Variants in ZNF532 observed in about 807,000 individuals in gnomAD.
ZNF532 encodes zinc finger protein 532.
Under a neutral mutation model 89.3 loss-of-function variants are expected in ZNF532, and 22 were observed. That is an observed-to-expected ratio of 0.25 (90% confidence interval 0.18 to 0.35). ZNF532 has a LOEUF of 0.35. Among genes scored for constraint, ZNF532 ranks in the 10% least tolerant of loss-of-function variants. The pLI is 1.00. For missense variants in ZNF532, 1,132 were observed against 1,643.4 expected (o/e 0.69, Z 5.38); for synonymous variants, 606 against 649.6 (o/e 0.93, Z 1.02).
At chr18:58,936,726 T>A (rs1208977005) in intron 4 of ZNF532, among the ~76,000 whole-genome samples, 1 of 152,266 alleles carries the variant, frequency 6.6e-6, no homozygotes, top group African/African-American at 2.4e-5. Context: ...TAGTTCATGT[T>A]GACTGCTCCT....
intron 3 of ZNF532, among the ~76,000 whole-genome samples, chr18:58,933,511 A>G (rs1037430817): frequency 6.6e-6 from 1 of 152,240 alleles, no homozygotes; most frequent in Non-Finnish European, 1.5e-5. Flanking sequence ...TGTACATTTT[A>G]GAAGATGGTA....
At chr18:58,870,074 T>G (rs1359435072) in intron 2 of ZNF532, among the ~76,000 whole-genome samples, 4 of 42,070 alleles carry the variant, frequency 9.5e-5, no homozygotes, top group Non-Finnish European at 1.6e-4. Flanking sequence ...CCCAGGTTGT[T>G]TTTTTTTTTT....
At position 58,878,140 on chromosome 18, in the gene ZNF532, A is replaced by G. The variant is rs563920426; in HGVS notation, c.-18+12561A>G. On this transcript the variant is annotated intron_variant, in intron 2 of 9. Transcript: ENST00000591808. ...TGTGGTGGCATGCACCTGTATTCCC[A>G]GCTACTCGGGAGGCTGAGTCAGGAG... is the stretch of plus-strand genomic sequence containing the variant. Among the ~76,000 whole-genome samples, 3 of 152,280 alleles carry G rather than the reference A, an allele frequency of 2.0e-5. No individual in the cohort carries two copies. In the South Asian group the frequency reaches 6.2e-4, roughly 32 times the overall value.
intron 2 of ZNF532, among the ~76,000 whole-genome samples, chr18:58,893,086 A>G (rs926043108): frequency 6.7e-6 from 1 of 149,800 alleles, no homozygotes; most frequent in Non-Finnish European, 1.5e-5. Context: ...GGACCAAGCG[A>G]TTCTGCCTCA....
chr18:58,981,701 T>G (rs1417266982), intron 9 of ZNF532, 84 bp downstream of exon 9: 1 of 1,552,264 alleles, frequency 6.4e-7, no homozygotes, highest in Non-Finnish European at 8.8e-7. Flanking sequence ...AAGTTTTTGT[T>G]GCATAGTTAC....
rs150053630 is a variant in ZNF532, at chr18:58,947,999, A to G, written c.2706-68A>G. ...CCTCTGCCTCCCAAGTTCTTCAGCT[A>G]TAAAGTAGCAGATCCTTTGACTTAA... On this transcript the variant is annotated intron_variant, in intron 5 of 9. Transcript: ENST00000591808. 12 of 1,481,878 alleles carry G rather than the reference A, an allele frequency of 8.1e-6. No homozygotes were observed. In the East Asian group the frequency reaches 2.1e-4, roughly 26 times the overall value. 91.8% of individuals were successfully genotyped at this position (1,481,878 alleles called of 1,614,324 possible). A position where few individuals can be genotyped will look rare whatever the true frequency, so the allele number is the denominator to read the frequency against.
At position 58,965,886 on chromosome 18, in the gene ZNF532, A is replaced by G. The variant is rs185719174; in HGVS notation, c.3150+12087A>G. Among the ~76,000 whole-genome samples, 9 of 152,302 alleles carry G rather than the reference A, an allele frequency of 5.9e-5. No individual in the cohort carries two copies. In the East Asian group the frequency reaches 1.7e-3, roughly 29 times the overall value. On this transcript the variant is annotated intron_variant, in intron 7 of 9. Coordinates refer to ENST00000591808, the MANE Select transcript of ZNF532 (RefSeq NM_001375912.1). Reference sequence around the variant, plus strand: ...TATGAGGGACAGAGCCTCTTCCTGCAGTGTCTCGGAAATCTGGAGAAATGC... The same window carrying G: ...TATGAGGGACAGAGCCTCTTCCTGCGGTGTCTCGGAAATCTGGAGAAATGC...
intron 2 of ZNF532, among the ~76,000 whole-genome samples, chr18:58,871,369 A>G (rs921281265): frequency 2.6e-5 from 4 of 152,180 alleles, no homozygotes; most frequent in African/African-American, 9.7e-5. Flanking sequence ...CTGGCACTAT[A>G]GGCATGCACC....
At chr18:58,963,867 C>G (rs1259131575) in intron 7 of ZNF532, among the ~76,000 whole-genome samples, 1 of 151,256 alleles carries the variant, frequency 6.6e-6, no homozygotes, top group Non-Finnish European at 1.5e-5. Context: ...ACCCACACAA[C>G]CTGGAACCTA....
chr18:58,882,338 G>A (rs764919238), intron 2 of ZNF532, among the ~76,000 whole-genome samples: 32 of 152,188 alleles, frequency 2.1e-4, no homozygotes, highest in Non-Finnish European at 4.4e-4. Context: ...AGGAAGTACT[G>A]CCAAGAAAAG....
chr18:58,947,631 G>A (rs1426435092), intron 5 of ZNF532, among the ~76,000 whole-genome samples: 1 of 151,980 alleles, frequency 6.6e-6, no homozygotes, highest in Admixed American at 6.6e-5. Context: ...GAAAACTTTG[G>A]AGTTGAGTAG....
intron 3 of ZNF532, among the ~76,000 whole-genome samples, chr18:58,921,996 A>G (rs1381226059): frequency 6.6e-6 from 1 of 152,090 alleles, no homozygotes; most frequent in Non-Finnish European, 1.5e-5. Flanking sequence ...GGTCCCAGCT[A>G]CTTGGGAGGC....
At chr18:58,932,693 G>C (rs79366626) in intron 3 of ZNF532, among the ~76,000 whole-genome samples, 2,695 of 152,226 alleles carry the variant, frequency 0.018, 48 homozygotes, top group Non-Finnish European at 0.025. Context: ...TATCTGTAAA[G>C]TGGAGATGTT....
Position 58,955,704 on chromosome 18 carries a change from C to G in ZNF532, c.3150+1905C>G, listed in dbSNP as rs550410102. 5.9e-5 allele frequency among the ~76,000 whole-genome samples: 9 copies of G among 152,334 alleles called. 1 individual carries two copies. The highest frequency in any genetic ancestry group is 2.2e-4 in the African/African-American group (9 of 41,576). Reference sequence around the variant, plus strand: ...GATGTTTTTATTGTATTTGGTCTCACTACAGTGTGTCTTGATATAAAAAGT... The same window carrying G: ...GATGTTTTTATTGTATTTGGTCTCAGTACAGTGTGTCTTGATATAAAAAGT... On this transcript the variant is annotated intron_variant, in intron 7 of 9. Coordinates refer to ENST00000591808, the MANE Select transcript of ZNF532 (RefSeq NM_001375912.1).
rs758918392 is a variant in ZNF532, at chr18:58,919,057, C to T, written c.770C>T (p.Ala257Val). 7.1e-5 allele frequency: 115 copies of T among 1,613,874 alleles called. No individual in the cohort carries two copies. Among genetic ancestry groups the T allele is most frequent in the Non-Finnish European group, 8.4e-5 (99 of 1,180,028 alleles). ...EKNDTSLPSV[A>V]PSKTKSSSKL... ...AATGACACCAGCCTCCCCAGCGTTG[C>T]GCCATCAAAGACAAAGTCGTCCTCC... Residue 257 changes from alanine to valine, a missense_variant, in exon 3 of 10, where the codon GCG becomes GTG. Coordinates refer to ENST00000591808, the MANE Select transcript of ZNF532 (RefSeq NM_001375912.1). This position sits in a 1 kb window ranked among gnomAD's most constrained non-coding sequence, Gnocchi z 6.1.
At chr18:58,934,379 A>G (rs2062197970) in intron 3 of ZNF532, 54 bp from the exon 4 acceptor site, 2 of 1,510,824 alleles carry the variant, frequency 1.3e-6, no homozygotes, top group South Asian at 1.2e-5. Context: ...GGTTCTTTGC[A>G]TATTAGAAAG....
chr18:58,972,527 G>A (rs1225867190), intron 7 of ZNF532, among the ~76,000 whole-genome samples: 1 of 152,064 alleles, frequency 6.6e-6, no homozygotes, highest in Non-Finnish European at 1.5e-5. Context: ...TTTGAAAATG[G>A]AAGCTGCTGA....
intron 8 of ZNF532, chr18:58,980,881 A>T (rs919239303): frequency 1.3e-5 from 2 of 152,862 alleles, no homozygotes; most frequent in African/African-American, 4.8e-5. Context: ...ACCTCAGGTG[A>T]TCTGCCTGCC....
At chr18:58,959,628 T>A (rs973936950) in intron 7 of ZNF532, among the ~76,000 whole-genome samples, 2 of 152,148 alleles carry the variant, frequency 1.3e-5, no homozygotes, top group African/African-American at 4.8e-5. Context: ...GAGACTTGGG[T>A]ATATATTCTG....
Sources: gnomAD v4.1 joint callset for allele counts (sites outside exome capture counted in the v4.1 genomes callset) on GRCh38, gnomAD v4.1.1 for gene constraint, Gnocchi (gnomAD v3.1) non-coding constraint, MANE v1.5 for transcripts, NCBI Gene and HGNC (gene_info 2026-07-23, HGNC 2026-07-21) for gene names.